The following LRRC46 variants were observed in gnomAD, a reference collection of about 807,000 sequenced individuals.
The protein encoded by LRRC46 is leucine rich repeat containing 46.
A neutral mutation model predicts 28.0 loss-of-function variants in LRRC46; 20 were observed. The observed-to-expected ratio is 0.71, with a 90% CI of 0.50 to 1.04. The LOEUF (loss-of-function observed/expected upper bound fraction) is 1.04, where lower values mean the gene tolerates loss of function less well. Among genes scored for constraint, LRRC46 ranks in the 50% least tolerant of loss-of-function variants. The pLI is 0.00. For missense variants in LRRC46, 315 were observed against 390.1 expected, an observed-to-expected ratio of 0.81 and a Z score of 1.62; for synonymous variants, 156 against 158.8, an observed-to-expected ratio of 0.98 and a Z score of 0.13.
At chr17:47,835,250 C>G in intron 3 of LRRC46, 103 bp from the exon 4 acceptor site, 2 of 1,189,748 alleles carry the variant, frequency 1.7e-6, no homozygotes, top group Non-Finnish European at 2.5e-6. Flanking sequence ...AGTGCCAGAT[C>G]TCCAGCTGCA....
rs533557244 is a variant in LRRC46 at position 47,835,248 on chromosome 17, A to T, written c.226-105A>T. The T allele has an allele frequency of 1.1e-4, 132 of 1,165,506 alleles. No individual in the cohort carries two copies. The African/African-American group carries it at 1.8e-3, about 16-fold the overall frequency. 72.2% of individuals were successfully genotyped at this position (1,165,506 alleles called of 1,614,324 possible). A position where few individuals can be genotyped will look rare whatever the true frequency, so the allele number is the denominator to read the frequency against. ...GGGGTGATCATTCCCAAAGTGCCAG[A>T]TCTCCAGCTGCAGAGTAGACATGGT... On this transcript the variant is annotated intron_variant, in intron 3 of 7. Transcript: ENST00000269025.
rs2033713629 is a variant in LRRC46 at position 47,837,460 on chromosome 17, C to G, written c.*340C>G. On this transcript the variant is annotated 3_prime_UTR_variant, in exon 8 of 8. Transcript: ENST00000269025. ...AGAGGCATGCCATCTCACTGCCACC[C>G]CTAGCGAGTGCCCTTCCCCGGTCCA... The G allele has an allele frequency of 7.3e-6, 3 of 409,396 alleles. No individual in the cohort carries two copies. In the East Asian group the frequency reaches 1.6e-4, roughly 22 times the overall value. The allele number at this position is 409,396 out of a possible 1,614,324, so 25.4% of individuals were successfully genotyped here. A position where few individuals can be genotyped will look rare whatever the true frequency, so the allele number is the denominator to read the frequency against.
chr17:47,831,703 C>T lies in LRRC46; in HGVS notation c.-287C>T, dbSNP rs2033635640. 2 of 657,306 alleles carry T rather than the reference C, an allele frequency of 3.0e-6. No individual in the cohort carries two copies. The highest frequency in any genetic ancestry group is 2.7e-5 in the East Asian group (1 of 36,604). The allele number at this position is 657,306 out of a possible 1,614,324, so 40.7% of individuals were successfully genotyped here. On this transcript the variant is annotated 5_prime_UTR_variant, in exon 1 of 8. Transcript: ENST00000269025. ...TCCAGTCTCTTAGCAACGACTCCGGCTTCCTAGGAACTGCTCCTTTCTCAA... is the reference window on the plus strand; with the variant it reads ...TCCAGTCTCTTAGCAACGACTCCGGTTTCCTAGGAACTGCTCCTTTCTCAA...
At chr17:47,835,633 G>T (rs1406416815) in intron 4 of LRRC46, 33 bp from the exon 5 acceptor site, 1 of 1,595,772 alleles carries the variant, frequency 6.3e-7, no homozygotes. Context: ...CCATGATTCA[G>T]CTCTGCCTCT....
At chr17:47,834,367 C>T in intron 2 of LRRC46, 58 bp from the exon 3 acceptor site, 1 of 1,276,844 alleles carries the variant, frequency 7.8e-7, no homozygotes, top group Non-Finnish European at 1.1e-6. Flanking sequence ...CCCATCCTCC[C>T]TGCTAAGAGA....
At position 47,836,266 on chromosome 17, in the gene LRRC46, T is replaced by G; in HGVS notation, c.453-67T>G. ...ACCCCTCCGGGTGTGAGTGCTGTGG[T>G]GCGTGTCTTTGCATCCTCCACGCCA... On this transcript the variant is annotated intron_variant, in intron 6 of 7. Transcript: ENST00000269025. This position sits in a 1 kb window ranked among gnomAD's most constrained non-coding sequence, Gnocchi z 5.8. 4 of 1,600,254 alleles carry G rather than the reference T, an allele frequency of 2.5e-6. No individual in the cohort carries two copies. Among genetic ancestry groups the G allele is most frequent in the Non-Finnish European group, 3.4e-6 (4 of 1,171,680 alleles).
At chr17:47,835,865 C>A in intron 5 of LRRC46, 90 bp downstream of exon 5, 1 of 1,337,860 alleles carries the variant, frequency 7.5e-7, no homozygotes, top group Non-Finnish European at 1.1e-6. Context: ...TTCTATTAGC[C>A]ATGCCCCTGC....
At position 47,836,791 on chromosome 17, in the gene LRRC46, G is replaced by C; in HGVS notation, c.637G>C (p.Glu213Gln). The change falls in exon 8 of 8, where the codon GAG becomes CAG. Residue 213 changes from glutamate (E) to glutamine (Q), a missense_variant. Physicochemically the swap from Glu to Gln is conservative, Grantham distance 29. Coordinates refer to ENST00000269025, the MANE Select transcript of LRRC46 (RefSeq NM_033413.4). The surrounding 1 kb of genome is among the most constrained non-coding windows in gnomAD (Gnocchi z 5.8). ...GGAGCAGGAGCTGAGCAGGCACAGG[G>C]AGCACCGGCAACAGACGGCCCTGAC... ...ELEQELSRHR[E>Q]HRQQTALTEH... 6.2e-7 allele frequency: 1 copy of C among 1,613,842 alleles called. No individual in the cohort carries two copies. Among genetic ancestry groups the C allele is most frequent in the East Asian group, 2.2e-5 (1 of 44,878 alleles).
chr17:47,836,547 A>C lies in LRRC46; in HGVS notation c.595+72A>C, dbSNP rs2033699720. On this transcript the variant is annotated intron_variant, in intron 7 of 7. Transcript: ENST00000269025. The surrounding 1 kb of genome is among the most constrained non-coding windows in gnomAD (Gnocchi z 5.8). ...GCCCTGTGGGACATGAGGGAAGCTA[A>C]GGTGGCAGTGGCGTCCGGGGAGGGG... 1 of 1,576,436 alleles carries C rather than the reference A, an allele frequency of 6.3e-7. No homozygotes were observed. Among genetic ancestry groups the C allele is most frequent in the Non-Finnish European group, 8.6e-7 (1 of 1,159,890 alleles).
chr17:47,832,569 G>A (rs1003140256), intron 2 of LRRC46, among the ~76,000 whole-genome samples: 6 of 152,160 alleles, frequency 3.9e-5, no homozygotes, highest in Admixed American at 2.0e-4. Context: ...CACACCTGTA[G>A]TCCTAGGTGG....
rs1244990090 is a variant in LRRC46 at position 47,836,687 on chromosome 17, G to C, written c.596-63G>C. 113 of 1,583,478 alleles carry C rather than the reference G, an allele frequency of 7.1e-5. No homozygotes were observed. In the East Asian group the frequency reaches 2.5e-3, roughly 34 times the overall value. ...CAGCCAGAGACTTCCCTGAGCCCAG[G>C]GACCCTCCTGCTGAGCCCAGGGCTC... On this transcript the variant is annotated intron_variant, in intron 7 of 7. Coordinates refer to ENST00000269025, the MANE Select transcript of LRRC46 (RefSeq NM_033413.4). The surrounding 1 kb of genome is among the most constrained non-coding windows in gnomAD (Gnocchi z 5.8).
chr17:47,836,189 G>T lies in LRRC46; in HGVS notation c.452+87G>T. On this transcript the variant is annotated intron_variant, in intron 6 of 7. Transcript: ENST00000269025. The surrounding 1 kb of genome is among the most constrained non-coding windows in gnomAD (Gnocchi z 5.8). Reference sequence around the variant, plus strand: ...ACCCCTCTCAGCCTGCAAACCTGGGGTCCTGTCCATGACACCTTCTCCCCC... The same window carrying T: ...ACCCCTCTCAGCCTGCAAACCTGGGTTCCTGTCCATGACACCTTCTCCCCC... 6.3e-7 allele frequency: 1 copy of T among 1,581,632 alleles called. No individual in the cohort carries two copies. Among genetic ancestry groups the T allele is most frequent in the Non-Finnish European group, 8.7e-7 (1 of 1,151,684 alleles).
In LRRC46 at chr17:47,836,067, G is replaced by A. The variant is rs527350330; in HGVS notation, c.417G>A (p.Leu139=). 7 of 1,614,158 alleles carry A rather than the reference G, an allele frequency of 4.3e-6. No homozygotes were observed. In the South Asian group the frequency reaches 4.4e-5, roughly 10 times the overall value. The change falls in exon 6 of 8, where the codon CTG becomes CTA. Residue 139 remains leucine (L), a synonymous_variant. Transcript: ENST00000269025. The surrounding 1 kb of genome is among the most constrained non-coding windows in gnomAD (Gnocchi z 5.8). ...EFPQSLLILN[L]SGNSCTNQDG... is the part of the protein sequence containing the mutation. ...CCCAGAGCCTTCTCATCCTCAACCT[G>A]TCTGGAAACAGCTGCACCAACCAGG... is the stretch of plus-strand genomic sequence containing the variant.
rs2033683908 is a variant in LRRC46 at position 47,835,535 on chromosome 17, C to A, written c.273-131C>A. ...AGCAAGCCTAGATCTACTCCCTCAC[C>A]CCAGAAGGCCATGTGTCCCCACTGG... On this transcript the variant is annotated intron_variant, in intron 4 of 7. Coordinates refer to ENST00000269025, the MANE Select transcript of LRRC46 (RefSeq NM_033413.4). 5 of 1,362,712 alleles carry A rather than the reference C, an allele frequency of 3.7e-6. No homozygotes were observed. In the Admixed American group the frequency reaches 5.3e-5, roughly 14 times the overall value. The allele number at this position is 1,362,712 out of a possible 1,614,324, so 84.4% of individuals were successfully genotyped here.
intron 2 of LRRC46, chr17:47,833,999 G>A: frequency 1.0e-6 from 1 of 987,270 alleles, no homozygotes; most frequent in South Asian, 4.7e-5. Context: ...ATGAATGAAT[G>A]GGTGGATGGA....
In LRRC46 at chr17:47,831,831, C is replaced by G; in HGVS notation, c.-159C>G. On this transcript the variant is annotated 5_prime_UTR_variant, in exon 1 of 8. Transcript: ENST00000269025. ...AATTTACTGTTTTCTTCGACCTCAC[C>G]CCAGCAATTTTCTCTGAATCAACCC... 1 of 920,116 alleles carries G rather than the reference C, an allele frequency of 1.1e-6. No homozygotes were observed. Among genetic ancestry groups the G allele is most frequent in the Non-Finnish European group, 1.7e-6 (1 of 597,776 alleles). 57.0% of individuals were successfully genotyped at this position (920,116 alleles called of 1,614,324 possible).
At position 47,834,521 on chromosome 17, in the gene LRRC46, C is replaced by T. The variant is rs780293924; in HGVS notation, c.213C>T (p.Leu71=). The part of the protein sequence containing the change: ...NLEGLQNLHS[L]YLQGNKIQQI... ...AAGGCCTCCAGAATCTTCACAGTCTCTATCTGCAAGGGGTAACTTCTTTCT... is the reference window on the plus strand; with the variant it reads ...AAGGCCTCCAGAATCTTCACAGTCTTTATCTGCAAGGGGTAACTTCTTTCT... Residue 71 remains leucine (L), a synonymous_variant, in exon 3 of 8, where the codon CTC becomes CTT. Transcript: ENST00000269025. 2 of 1,608,336 alleles carry T rather than the reference C, an allele frequency of 1.2e-6. No homozygotes were observed. Among genetic ancestry groups the T allele is most frequent in the Non-Finnish European group, 1.7e-6 (2 of 1,174,924 alleles).
intron 2 of LRRC46, chr17:47,833,836 G>A (rs2033664373): frequency 4.5e-6 from 3 of 660,282 alleles, no homozygotes; most frequent in Non-Finnish European, 5.6e-6. Flanking sequence ...CTGCAGCCTC[G>A]ACCTCCTGGG....
intron 2 of LRRC46, 123 bp downstream of exon 2, chr17:47,832,328 G>C: frequency 1.6e-6 from 1 of 622,000 alleles, no homozygotes; most frequent in Non-Finnish European, 2.7e-6. Context: ...CATTCAATCA[G>C]TGGTAATGCC....
Sources: allele counts gnomAD v4.1 joint callset (sites outside exome capture counted in the v4.1 genomes callset), GRCh38; gene constraint gnomAD v4.1.1; non-coding constraint Gnocchi (gnomAD v3.1); transcripts MANE v1.5; gene names NCBI Gene and HGNC (gene_info 2026-07-23, HGNC 2026-07-21).